Variants in DUS2 observed in about 807,000 individuals in gnomAD.
DUS2 encodes the protein dihydrouridine synthase 2, also known as tRNA-dihydrouridine(20) synthase [NAD(P)+]-like.
A neutral mutation model predicts 71.3 loss-of-function variants in DUS2; 52 were observed. The ratio of observed to expected loss-of-function variants is 0.73; its 90% CI spans 0.58 to 0.92. The LOEUF (loss-of-function observed/expected upper bound fraction) is 0.92, where lower values mean the gene tolerates loss of function less well. Among genes scored for constraint, DUS2 ranks in the 40% least tolerant of loss-of-function variants. The pLI is 0.00. For synonymous variants in DUS2, 204 were observed against 227.8 expected, an observed-to-expected ratio of 0.90 and a Z score of 0.94; for missense variants, 558 against 622.6, an observed-to-expected ratio of 0.90 and a Z score of 1.10.
chr16:68,052,318 G>T (rs1443638181), intron 4 of DUS2, among the ~76,000 whole-genome samples: 1 of 152,112 alleles, frequency 6.6e-6, no homozygotes, highest in Non-Finnish European at 1.5e-5. Context: ...GAGCTGAAGG[G>T]AGAAGACAGA....
In DUS2 at chr16:68,078,446, T is replaced by G. The variant is rs2034188112; in HGVS notation, c.1172T>G (p.Val391Gly). 10 of 1,613,996 alleles carry G rather than the reference T, an allele frequency of 6.2e-6. No homozygotes were observed. The highest frequency in any genetic ancestry group is 8.5e-6 in the Non-Finnish European group (10 of 1,179,996). The stretch of plus-strand genomic sequence containing the variant: ...TGATTCCTTTTCTCTTTGTATCAGG[T>G]TCAACGCCCTCTAGATCGCCTGTTC... ...EKLAQPVYET[V>G]QRPLDRLFSS... Residue 391 changes from valine (V) to glycine (G), a missense_variant and splice_region_variant, in exon 16 of 17, where the codon GTT becomes GGT. Physicochemically the swap from Val to Gly is moderately radical, Grantham distance 109. Transcript: ENST00000565263.
intron 10 of DUS2, among the ~76,000 whole-genome samples, chr16:68,067,029 C>A (rs2034015609): frequency 9.2e-6 from 1 of 108,170 alleles, no homozygotes; most frequent in Non-Finnish European, 1.8e-5. Context: ...TTCCCTCCCT[C>A]CCTCCCTCCC....
chr16:68,070,897 G>C, intron 11 of DUS2, 43 bp from the exon 12 acceptor site: 3 of 1,600,034 alleles, frequency 1.9e-6, no homozygotes, highest in Non-Finnish European at 2.6e-6. Flanking sequence ...ATGCTGATAG[G>C]TTCCGTGATG....
rs1400499527 is a variant in DUS2, at chr16:68,075,340, C to T, written c.933-15C>T. On this transcript the variant is annotated splice_polypyrimidine_tract_variant and intron_variant, in intron 13 of 16. Transcript: ENST00000565263. ...CCGCTAAAGTGTTTGCTCTGATCTG[C>T]TTCTTCCTCCCTAGTGAGGCCTTTG... The T allele has an allele frequency of 6.3e-7, 1 of 1,592,494 alleles. No individual in the cohort carries two copies. The highest frequency in any genetic ancestry group is 8.6e-7 in the Non-Finnish European group (1 of 1,168,564).
chr16:68,077,687 C>T (rs2034177513), intron 15 of DUS2, among the ~76,000 whole-genome samples: 2 of 152,216 alleles, frequency 1.3e-5, no homozygotes, highest in African/African-American at 4.8e-5. Context: ...CCGCACTTGG[C>T]CCAGACATGT....
At position 68,070,231 on chromosome 16, in the gene DUS2, T is replaced by C; in HGVS notation, c.641+11T>C. ...TCCTGTCATAGCCAAGTAAGCCTCC[T>C]GTCTTCATCATGTACTCTGTGTCCC... On this transcript the variant is annotated intron_variant, in intron 11 of 16. Coordinates refer to ENST00000565263, the MANE Select transcript of DUS2 (RefSeq NM_017803.5). The C allele has an allele frequency of 6.2e-7, 1 of 1,612,422 alleles. No individual in the cohort carries two copies. Among genetic ancestry groups the C allele is most frequent in the Non-Finnish European group, 8.5e-7 (1 of 1,178,452 alleles).
In DUS2 at chr16:68,079,041, G is replaced by A; in HGVS notation, c.*55G>A. On this transcript the variant is annotated 3_prime_UTR_variant, in exon 17 of 17. Coordinates refer to ENST00000565263, the MANE Select transcript of DUS2 (RefSeq NM_017803.5). Reference sequence around the variant, plus strand: ...TGGGCCTGGTGCTAAGGTGGCTGTGGATGCCACAGCATGAACCAGATGCCG... The same window carrying A: ...TGGGCCTGGTGCTAAGGTGGCTGTGAATGCCACAGCATGAACCAGATGCCG... The A allele has an allele frequency of 7.0e-7, 1 of 1,432,924 alleles. No homozygotes were observed. Among genetic ancestry groups the A allele is most frequent in the Non-Finnish European group, 9.4e-7 (1 of 1,061,584 alleles). 88.8% of individuals were successfully genotyped at this position (1,432,924 alleles called of 1,614,324 possible).
intron 3 of DUS2, among the ~76,000 whole-genome samples, chr16:68,048,316 AT>A (rs1291487008): frequency 2.0e-5 from 3 of 152,072 alleles, no homozygotes; most frequent in Non-Finnish European, 4.4e-5. Flanking sequence ...TGGCTACTGA[AT>A]TTCTTTTTAT....
chr16:68,033,660 A>G (rs563320719), intron 2 of DUS2, among the ~76,000 whole-genome samples: 11 of 120,226 alleles, frequency 9.1e-5, no homozygotes, highest in Non-Finnish European at 1.2e-4. Flanking sequence ...TTTTTTTTAT[A>G]TAGAGTCTTG....
At chr16:68,052,903 A>G (rs995971552) in intron 4 of DUS2, among the ~76,000 whole-genome samples, 5 of 151,914 alleles carry the variant, frequency 3.3e-5, no homozygotes, top group African/African-American at 1.2e-4. Flanking sequence ...TTGGCCTTCC[A>G]AAGTCCTAGG....
intron 10 of DUS2, among the ~76,000 whole-genome samples, chr16:68,068,039 C>G (rs568098297): frequency 9.1e-4 from 138 of 152,336 alleles, no homozygotes; most frequent in African/African-American, 2.9e-3. Flanking sequence ...ATCCTTCTAG[C>G]TGTAGCTAAT....
intron 12 of DUS2, among the ~76,000 whole-genome samples, chr16:68,073,449 C>CTTTTTTTTTTTTTT (rs1213508148): frequency 8.9e-6 from 1 of 111,848 alleles, no homozygotes; most frequent in African/African-American, 3.3e-5. Flanking sequence ...TTTTCTTTTT[C>CTTTTTTTTTTTTTT]TTTTTTTTTT....
chr16:68,069,303 G>A (rs988410206), intron 10 of DUS2, among the ~76,000 whole-genome samples: 7 of 152,122 alleles, frequency 4.6e-5, no homozygotes, highest in Non-Finnish European at 1.0e-4. Context: ...AGGTAGAATT[G>A]CCTGAACCCA....
chr16:68,060,296 A>T (rs2033920812), intron 7 of DUS2, among the ~76,000 whole-genome samples: 1 of 152,038 alleles, frequency 6.6e-6, no homozygotes, highest in Non-Finnish European at 1.5e-5. Context: ...TACCAAGGGG[A>T]TCAGAATGAT....
At chr16:68,033,030 G>T (rs543366762) in intron 2 of DUS2, among the ~76,000 whole-genome samples, 6 of 152,076 alleles carry the variant, frequency 3.9e-5, no homozygotes, top group Non-Finnish European at 8.8e-5. Context: ...GCAGGGCCTT[G>T]TGGGCCATTA....
chr16:68,034,254 G>A (rs947231973), intron 2 of DUS2, among the ~76,000 whole-genome samples: 1 of 151,996 alleles, frequency 6.6e-6, no homozygotes. Flanking sequence ...CTGTAGAGAT[G>A]AGGTCTTGCC....
At chr16:68,025,625 A>G (rs748275710) in intron 2 of DUS2, 131 bp downstream of exon 2, 5 of 152,194 alleles carry the variant, frequency 3.3e-5, no homozygotes, top group Non-Finnish European at 7.3e-5. Flanking sequence ...CACAGGAGTT[A>G]GAGCTTGCCT....
intron 7 of DUS2, among the ~76,000 whole-genome samples, chr16:68,057,501 T>TATCA (rs2033877627): frequency 6.6e-6 from 1 of 151,232 alleles, no homozygotes; most frequent in Non-Finnish European, 1.5e-5. Context: ...GGGAGGCTGA[T>TATCA]GCAGGAGGAT....
intron 12 of DUS2, among the ~76,000 whole-genome samples, chr16:68,072,268 G>C (rs2034098231): frequency 1.3e-5 from 2 of 152,192 alleles, no homozygotes. Flanking sequence ...TCACTCCCTG[G>C]TTCTGGTGTC....
Sources: gnomAD v4.1 joint callset for allele counts (sites outside exome capture counted in the v4.1 genomes callset) on GRCh38, gnomAD v4.1.1 for gene constraint, MANE v1.5 for transcripts, NCBI Gene and HGNC (gene_info 2026-07-23, HGNC 2026-07-21) for gene names.